Variants in ITGA5 observed in about 807,000 individuals in gnomAD.
The protein encoded by ITGA5 is integrin subunit alpha 5, also known as integrin alpha-5.
ITGA5 carries 55 observed loss-of-function variants against 146.3 expected under a neutral mutation model. That is an observed-to-expected ratio of 0.38 (90% CI 0.30 to 0.47). The LOEUF (loss-of-function observed/expected upper bound fraction) is 0.47. ITGA5 is among the 20% of genes least tolerant of loss of function. The pLI, the probability that ITGA5 is intolerant of heterozygous loss-of-function variation, is 0.99. For synonymous variants in ITGA5, 500 were observed against 531.8 expected, an observed-to-expected ratio of 0.94 and a Z score of 0.82; for missense variants, 1,131 against 1,329.0, an observed-to-expected ratio of 0.85 and a Z score of 2.32.
In ITGA5 at chr12:54,403,019, T is replaced by A; in HGVS notation, c.1946A>T (p.Asn649Ile). The A allele has an allele frequency of 6.2e-7, 1 of 1,614,108 alleles. No homozygotes were observed. Among genetic ancestry groups the A allele is most frequent in the Non-Finnish European group, 8.5e-7 (1 of 1,180,002 alleles). ...AQILLDCGED[N>I]ICVPDLQLEV... is the part of the protein sequence containing the mutation. Reference sequence around the variant, plus strand: ...CAGCTGCAGGTCAGGCACACAGATGTTGTCTTCTCCACAGTCCAGCAAGAT... The same window carrying A: ...CAGCTGCAGGTCAGGCACACAGATGATGTCTTCTCCACAGTCCAGCAAGAT... Residue 649 changes from asparagine (N) to isoleucine (I), a missense_variant, in exon 19 of 30, where the codon AAC becomes ATC. Asn to Ile is a moderately radical substitution (Grantham distance 149). Transcript: ENST00000293379. The surrounding 1 kb of genome is among the most constrained non-coding windows in gnomAD (Gnocchi z 4.9).
Position 54,405,912 on chromosome 12 carries a change from A to C in ITGA5, c.921T>G (p.Asn307Lys), listed in dbSNP as rs758646702. The change falls in exon 10 of 30, where the codon AAT becomes AAG. Residue 307 changes from asparagine to lysine, a missense_variant. By Grantham distance (94) the Asn-to-Lys change is moderately conservative. Coordinates refer to ENST00000293379, the MANE Select transcript of ITGA5 (RefSeq NM_002205.5). ...TGTAGAGGGATCGAATGTCTGAGCC[A>C]TTAAGGATGGTGACCTGGGAGATGA... ...NLTYGYVTILNGSDIRSLYNF... is the reference protein window; with the variant it reads ...NLTYGYVTILKGSDIRSLYNF... 6.8e-6 allele frequency: 11 copies of C among 1,613,926 alleles called. No individual in the cohort carries two copies. In the East Asian group the frequency reaches 2.2e-4, roughly 33 times the overall value.
In ITGA5 at chr12:54,419,136, G is replaced by A. The variant is rs1956046987; in HGVS notation, c.63C>T (p.Arg21=). 2 of 1,586,878 alleles carry A rather than the reference G, an allele frequency of 1.3e-6. No homozygotes were observed. The highest frequency in any genetic ancestry group is 1.7e-6 in the Non-Finnish European group (2 of 1,169,950). ...ACAGCAGCGGCAGCAGCGGGGGTCG[G>A]CGCCGGGGGCCCCAGCGCAGCTGCA... ...HAVQLRWGPR[R]RPPLLPLLLL... is the part of the protein sequence containing the mutation. Residue 21 remains arginine, a synonymous_variant, in exon 1 of 30, where the codon CGC becomes CGT. Transcript: ENST00000293379.
chr12:54,413,072 A>G (rs190375571), intron 1 of ITGA5: 19 of 152,206 alleles, frequency 1.2e-4, no homozygotes, highest in African/African-American at 4.6e-4. Context: ...ACATTTCTCC[A>G]TCTCTATTGG....
At position 54,403,849 on chromosome 12, in the gene ITGA5, C is replaced by T. The variant is rs1955823451; in HGVS notation, c.1621+62G>A. On this transcript the variant is annotated intron_variant, in intron 16 of 29. Coordinates refer to ENST00000293379, the MANE Select transcript of ITGA5 (RefSeq NM_002205.5). The surrounding 1 kb of genome is among the most constrained non-coding windows in gnomAD (Gnocchi z 4.9). ...TCTTTTCAGAGAGAAGAAATGTCCC[C>T]AGGTCCCCAGTCCCTTCATTCTCTG... 1 of 1,610,040 alleles carries T rather than the reference C, an allele frequency of 6.2e-7. No homozygotes were observed. The highest frequency in any genetic ancestry group is 8.5e-7 in the Non-Finnish European group (1 of 1,176,548).
At chr12:54,413,611 C>T (rs922718551) in intron 1 of ITGA5, among the ~76,000 whole-genome samples, 4 of 152,166 alleles carry the variant, frequency 2.6e-5, no homozygotes, top group African/African-American at 4.8e-5. Context: ...CTGGCTGCAC[C>T]GCCCTAGGGC....
chr12:54,398,312 C>T, intron 28 of ITGA5, among the ~76,000 whole-genome samples: 1 of 152,190 alleles, frequency 6.6e-6, no homozygotes, highest in East Asian at 1.9e-4. Flanking sequence ...AGGAAGCCTT[C>T]CCTGACCCAG....
At position 54,403,489 on chromosome 12, in the gene ITGA5, G is replaced by A. The variant is rs1272969693; in HGVS notation, c.1776+136C>T. The stretch of plus-strand genomic sequence containing the variant: ...TGCTTCCCAGCTCCTCTGACAGAAG[G>A]TCTCCCTTTCTCAGCCCCTACAAGA... On this transcript the variant is annotated intron_variant, in intron 17 of 29. Coordinates refer to ENST00000293379, the MANE Select transcript of ITGA5 (RefSeq NM_002205.5). This position sits in a 1 kb window ranked among gnomAD's most constrained non-coding sequence, Gnocchi z 4.9. The A allele has an allele frequency of 7.0e-6, 9 of 1,277,218 alleles. No homozygotes were observed. Among genetic ancestry groups the A allele is most frequent in the Non-Finnish European group, 1.1e-6 (1 of 931,408 alleles). The allele number at this position is 1,277,218 out of a possible 1,614,324, so 79.1% of individuals were successfully genotyped here. A position where few individuals can be genotyped will look rare whatever the true frequency, so the allele number is the denominator to read the frequency against.
chr12:54,400,755 C>T, intron 25 of ITGA5, 91 bp downstream of exon 25: 2 of 1,329,900 alleles, frequency 1.5e-6, no homozygotes, highest in East Asian at 2.3e-5. Flanking sequence ...TCCTCATTGC[C>T]TCTTGCAGGC....
At position 54,403,463 on chromosome 12, in the gene ITGA5, CT is replaced by C; in HGVS notation, c.1777-140del. ...TCATTGTTTCAGAGGCCCTGGCAGC[CT>C]GCTTCCCAGCTCCTCTGACAGAAGG... On this transcript the variant is annotated intron_variant, in intron 17 of 29. Transcript: ENST00000293379. This position sits in a 1 kb window ranked among gnomAD's most constrained non-coding sequence, Gnocchi z 4.9. 7.7e-7 allele frequency: 1 copy of C among 1,294,214 alleles called. No individual in the cohort carries two copies. The highest frequency in any genetic ancestry group is 1.1e-6 in the Non-Finnish European group (1 of 946,258). The allele number at this position is 1,294,214 out of a possible 1,614,324, so 80.2% of individuals were successfully genotyped here. A position where few individuals can be genotyped will look rare whatever the true frequency, so the allele number is the denominator to read the frequency against.
rs1490864501 is a variant in ITGA5, at chr12:54,399,951, T to G, written c.2644-4A>C. 6.2e-7 allele frequency: 1 copy of G among 1,612,012 alleles called. No individual in the cohort carries two copies. Among genetic ancestry groups the G allele is most frequent in the Admixed American group, 1.7e-5 (1 of 60,012 alleles). On this transcript the variant is annotated splice_region_variant and splice_polypyrimidine_tract_variant and intron_variant, in intron 25 of 29. Coordinates refer to ENST00000293379, the MANE Select transcript of ITGA5 (RefSeq NM_002205.5). ...GCAGGGAACCCTCGGGATCCAACTA[T>G]AAAAGAAAGTGTTGGGCCCCTTTCC...
chr12:54,411,775 G>C, intron 2 of ITGA5, 59 bp downstream of exon 2: 2 of 1,400,660 alleles, frequency 1.4e-6, no homozygotes, highest in Non-Finnish European at 9.4e-7. Flanking sequence ...CCCCACCCAG[G>C]CCTTGCCCCC....
chr12:54,400,141 G>A, intron 25 of ITGA5, 194 bp from the exon 26 acceptor site: 4 of 582,556 alleles, frequency 6.9e-6, no homozygotes, highest in Non-Finnish European at 1.2e-5. Flanking sequence ...GGTTCTTGGA[G>A]ATCACACTGG....
Position 54,402,343 on chromosome 12 carries a change from C to T in ITGA5, c.1983-13G>A. 3 of 1,606,702 alleles carry T rather than the reference C, an allele frequency of 1.9e-6. No homozygotes were observed. In the South Asian group the frequency reaches 3.3e-5, roughly 18 times the overall value. ...ATGGTTCTGCTCCCTGGAAGGGACA[C>T]AGAGGGTAAGGGACATTGGTGAATT... On this transcript the variant is annotated splice_polypyrimidine_tract_variant and intron_variant, in intron 19 of 29. Transcript: ENST00000293379.
In ITGA5 at chr12:54,403,462, C is replaced by T; in HGVS notation, c.1777-138G>A. Reference sequence around the variant, plus strand: ...CTCATTGTTTCAGAGGCCCTGGCAGCCTGCTTCCCAGCTCCTCTGACAGAA... The same window carrying T: ...CTCATTGTTTCAGAGGCCCTGGCAGTCTGCTTCCCAGCTCCTCTGACAGAA... On this transcript the variant is annotated intron_variant, in intron 17 of 29. Coordinates refer to ENST00000293379, the MANE Select transcript of ITGA5 (RefSeq NM_002205.5). This position sits in a 1 kb window ranked among gnomAD's most constrained non-coding sequence, Gnocchi z 4.9. 1 of 1,288,548 alleles carries T rather than the reference C, an allele frequency of 7.8e-7. No individual in the cohort carries two copies. Among genetic ancestry groups the T allele is most frequent in the Non-Finnish European group, 1.1e-6 (1 of 941,106 alleles). The allele number at this position is 1,288,548 out of a possible 1,614,324, so 79.8% of individuals were successfully genotyped here.
In ITGA5 at chr12:54,410,898, T is replaced by A. The variant is rs111914679; in HGVS notation, c.349+936A>T. Among the ~76,000 whole-genome samples the A allele has an allele frequency of 4.8e-3, 733 of 152,246 alleles. 8 individuals are homozygous for A. The highest frequency in any genetic ancestry group is 0.017 in the African/African-American group (697 of 41,542). ...AGTGCCACCATGCCCGGCTAATTTT[T>A]GTATTTTCAGTAGAGACGGGGTTTT... On this transcript the variant is annotated intron_variant, in intron 2 of 29. Transcript: ENST00000293379.
Position 54,405,717 on chromosome 12 carries a change from C to G in ITGA5, c.964-1G>C, listed in dbSNP as rs1410640755. The G allele has an allele frequency of 6.2e-7, 1 of 1,614,052 alleles. No homozygotes were observed. The highest frequency in any genetic ancestry group is 1.1e-5 in the South Asian group (1 of 91,074). ...CTGCATAGCCAAAGTAGGAGGCCAT[C>G]TGGGGAGGACAAAGGGGCAGCGCTG... On this transcript the variant is annotated splice_acceptor_variant, in intron 10 of 29. Coordinates refer to ENST00000293379, the MANE Select transcript of ITGA5 (RefSeq NM_002205.5). LOFTEE classifies it high-confidence loss of function.
chr12:54,400,571 T>C, intron 25 of ITGA5: 1 of 388,720 alleles, frequency 2.6e-6, no homozygotes, highest in Non-Finnish European at 4.6e-6. Flanking sequence ...AGGAAAAGGT[T>C]TGAAGAAGGC....
At chr12:54,404,571 G>A (rs1955835711) in intron 13 of ITGA5, 96 bp from the exon 14 acceptor site, 5 of 1,514,696 alleles carry the variant, frequency 3.3e-6, no homozygotes, top group South Asian at 2.3e-5. Flanking sequence ...GGAGGTTGAA[G>A]TGAGAAGACA....
In ITGA5 at chr12:54,409,655, A is replaced by G; in HGVS notation, c.350-58T>C. 1 of 1,188,372 alleles carries G rather than the reference A, an allele frequency of 8.4e-7. No individual in the cohort carries two copies. The highest frequency in any genetic ancestry group is 1.2e-6 in the Non-Finnish European group (1 of 819,730). The allele number at this position is 1,188,372 out of a possible 1,614,324, so 73.6% of individuals were successfully genotyped here. ...GCCATGGACATTTGAGCTCTAGGGC[A>G]GCCCCTACCCTCAGCCTGGGGATAC... is the stretch of plus-strand genomic sequence containing the variant. On this transcript the variant is annotated intron_variant, in intron 2 of 29. Transcript: ENST00000293379. This position sits in a 1 kb window ranked among gnomAD's most constrained non-coding sequence, Gnocchi z 4.7.
Sources: allele counts gnomAD v4.1 joint callset (sites outside exome capture counted in the v4.1 genomes callset), GRCh38; gene constraint gnomAD v4.1.1; non-coding constraint Gnocchi (gnomAD v3.1); transcripts MANE v1.5; gene names NCBI Gene and HGNC (gene_info 2026-07-23, HGNC 2026-07-21).